TNS1: variants seen among roughly 807,000 people sequenced by gnomAD.
TNS1 encodes the protein tensin 1.
TNS1 carries 62 observed loss-of-function variants against 168.6 expected under a neutral mutation model. The observed-to-expected ratio is 0.37, with a 90% confidence interval of 0.30 to 0.45. The LOEUF (loss-of-function observed/expected upper bound fraction) is 0.45. Ranked by LOEUF, TNS1 falls within the 20% of genes least tolerant of loss-of-function variation. The pLI is 1.00. For missense variants in TNS1, 2,240 were observed against 2,339.4 expected, an observed-to-expected ratio of 0.96 and a Z score of 0.88; for synonymous variants, 934 against 933.2, an observed-to-expected ratio of 1.00 and a Z score of -0.02.
At chr2:217,891,752 T>C (rs1175428579) in intron 11 of TNS1, among the ~76,000 whole-genome samples, 1 of 152,202 alleles carries the variant, frequency 6.6e-6, no homozygotes, top group Non-Finnish European at 1.5e-5. Flanking sequence ...CCTCTTCCTC[T>C]TCCCTCACTT....
chr2:217,859,997 TG>T (rs1315114811), intron 18 of TNS1, among the ~76,000 whole-genome samples: 11 of 152,326 alleles, frequency 7.2e-5, no homozygotes, highest in Non-Finnish European at 1.5e-4. Context: ...GCCAGGCCAG[TG>T]GGAGCTTCAG....
intron 2 of TNS1, chr2:217,985,431 T>C (rs569795139): frequency 2.0e-5 from 3 of 152,210 alleles, no homozygotes; most frequent in Admixed American, 6.5e-5. Flanking sequence ...TATTTTATTT[T>C]TTTTGAGATG....
Position 217,848,225 on chromosome 2 carries a change from G to A in TNS1, c.2292C>T (p.Ser764=), listed in dbSNP as rs1222393953. Reference sequence around the variant, plus strand: ...TCAGTCCCCTTTGCACAGCCTCCCGGCTGCTTCCCCCTCGGACCGGAGCTG... The same window carrying A: ...TCAGTCCCCTTTGCACAGCCTCCCGACTGCTTCCCCCTCGGACCGGAGCTG... The part of the protein sequence containing the change: ...LPPAPVRGGS[S]REAVQRGLNS... Residue 764 remains serine, a synonymous_variant, in exon 19 of 33, where the codon AGC becomes AGT. Coordinates refer to ENST00000682258, the MANE Select transcript of TNS1 (RefSeq NM_001387777.1). 4 of 1,582,424 alleles carry A rather than the reference G, an allele frequency of 2.5e-6. No homozygotes were observed. Among genetic ancestry groups the A allele is most frequent in the Non-Finnish European group, 3.4e-6 (4 of 1,165,014 alleles).
At chr2:217,994,310 G>A (rs1024972457) in intron 1 of TNS1, among the ~76,000 whole-genome samples, 2 of 152,052 alleles carry the variant, frequency 1.3e-5, no homozygotes, top group Admixed American at 6.6e-5. Flanking sequence ...CAGGGTGGGG[G>A]CCCTGGTCAG....
chr2:217,941,399 A>G (rs1450122772), intron 3 of TNS1, among the ~76,000 whole-genome samples: 1 of 152,242 alleles, frequency 6.6e-6, no homozygotes, highest in Non-Finnish European at 1.5e-5. Context: ...GCCAGGAGGC[A>G]TAGGAAGAAC....
intron 3 of TNS1, among the ~76,000 whole-genome samples, chr2:217,973,188 T>C (rs564707311): frequency 2.0e-5 from 3 of 151,950 alleles, no homozygotes; most frequent in South Asian, 4.1e-4. Flanking sequence ...ACCCTGTCTC[T>C]ACAAAAAGTA....
At chr2:217,913,698 G>A (rs1398529378) in intron 4 of TNS1, among the ~76,000 whole-genome samples, 1 of 152,032 alleles carries the variant, frequency 6.6e-6, no homozygotes, top group African/African-American at 2.4e-5. Context: ...AGCACATCAA[G>A]TTCAAGTTCC....
At position 217,818,040 on chromosome 2, in the gene TNS1, G is replaced by A. The variant is rs764908390; in HGVS notation, c.4292C>T (p.Ser1431Phe). Residue 1431 changes from serine to phenylalanine, a missense_variant, in exon 24 of 33, where the codon TCT becomes TTT. This residue lies in a region of TNS1 where 2,131 missense variants were observed against 2,171.2 expected (regional missense o/e 0.98). Coordinates refer to ENST00000682258, the MANE Select transcript of TNS1 (RefSeq NM_001387777.1). ...TGTGGGTCTCCGATCCTCCGGGGTAGAATAGCCACCATAGGCCACATGCCG... is the reference window on the plus strand; with the variant it reads ...TGTGGGTCTCCGATCCTCCGGGGTAAAATAGCCACCATAGGCCACATGCCG... ...LDRHVAYGGY[S>F]TPEDRRPTLS... 6.2e-7 allele frequency: 1 copy of A among 1,604,586 alleles called. No individual in the cohort carries two copies.
intron 18 of TNS1, among the ~76,000 whole-genome samples, chr2:217,874,001 C>T (rs556308835): frequency 6.9e-6 from 1 of 145,478 alleles, no homozygotes; most frequent in Non-Finnish European, 1.5e-5. Flanking sequence ...CCCACCACCA[C>T]CACCACCCCC....
intron 24 of TNS1, among the ~76,000 whole-genome samples, chr2:217,815,755 C>T (rs1331044778): frequency 6.6e-6 from 1 of 152,208 alleles, no homozygotes; most frequent in Non-Finnish European, 1.5e-5. Context: ...GGTTCAGTTT[C>T]TCAACTTCAG....
intron 3 of TNS1, among the ~76,000 whole-genome samples, chr2:217,935,520 C>T (rs1956558695): frequency 1.3e-5 from 2 of 152,218 alleles, no homozygotes; most frequent in East Asian, 1.9e-4. Context: ...TCCACTCCCA[C>T]GCTTGGCCTA....
At chr2:217,967,286 A>G (rs916430715) in intron 3 of TNS1, among the ~76,000 whole-genome samples, 2 of 152,172 alleles carry the variant, frequency 1.3e-5, no homozygotes, top group Non-Finnish European at 2.9e-5. Flanking sequence ...AAGCCACTGC[A>G]CTCCAGCCTG....
At chr2:217,805,696 T>TA (rs1414428237) in intron 32 of TNS1, among the ~76,000 whole-genome samples, 3 of 26,170 alleles carry the variant, frequency 1.1e-4, no homozygotes, top group Non-Finnish European at 1.6e-4. Flanking sequence ...ATCACACACA[T>TA]CACCACATGC....
chr2:217,904,943 A>G (rs1953476444), intron 6 of TNS1, among the ~76,000 whole-genome samples: 1 of 152,206 alleles, frequency 6.6e-6, no homozygotes, highest in Admixed American at 6.5e-5. Flanking sequence ...AGACCCCAGC[A>G]GCAGTCCCAG....
intron 19 of TNS1, among the ~76,000 whole-genome samples, chr2:217,837,757 C>T (rs1260715872): frequency 6.6e-6 from 1 of 152,246 alleles, no homozygotes; most frequent in East Asian, 1.9e-4. Flanking sequence ...CAAACAAGCC[C>T]CACACCTTGA....
At chr2:217,890,331 T>C (rs777185078) in intron 12 of TNS1, 1 of 152,520 alleles carries the variant, frequency 6.6e-6, no homozygotes, top group Non-Finnish European at 1.5e-5. Flanking sequence ...TTGTTTCATG[T>C]CCATCTCTCT....
chr2:217,978,683 GC>G (rs1957956448), intron 3 of TNS1, 81 bp downstream of exon 3: 1 of 620,304 alleles, frequency 1.6e-6, no homozygotes, highest in Admixed American at 2.4e-5. Flanking sequence ...CCCCCGCCCC[GC>G]CGGCGCCCCC....
intron 3 of TNS1, among the ~76,000 whole-genome samples, chr2:217,923,654 C>G (rs1200265460): frequency 1.3e-5 from 2 of 152,232 alleles, no homozygotes; most frequent in Non-Finnish European, 2.9e-5. Flanking sequence ...TGCACTATGT[C>G]TACACTCAGC....
chr2:217,860,619 C>T (rs1168841317), intron 18 of TNS1, among the ~76,000 whole-genome samples: 1 of 152,214 alleles, frequency 6.6e-6, no homozygotes, highest in East Asian at 1.9e-4. Flanking sequence ...TGTTTGCACG[C>T]AACCTTCATG....
Sources: allele counts gnomAD v4.1 joint callset (sites outside exome capture counted in the v4.1 genomes callset), GRCh38; gene constraint gnomAD v4.1.1; regional missense constraint gnomAD v4.1.1; transcripts MANE v1.5; gene names NCBI Gene and HGNC (gene_info 2026-07-23, HGNC 2026-07-21).